The following ADAMTSL1 variants were observed in gnomAD, a reference collection of about 807,000 sequenced individuals.
ADAMTSL1 encodes the protein ADAMTS like 1.
In ADAMTSL1, 126 loss-of-function variants were observed where a neutral mutation model predicts 201.8. The observed-to-expected ratio is 0.62, with a 90% CI of 0.54 to 0.72. The LOEUF is 0.72. Among genes scored for constraint, ADAMTSL1 ranks in the 30% least tolerant of loss-of-function variants. The pLI is 0.00. For synonymous variants in ADAMTSL1, 1,121 were observed against 903.4 expected (o/e 1.24, Z -4.32); for missense variants, 2,679 against 2,277.8 (o/e 1.18, Z -3.59).
At chr9:18,782,820 C>A (rs1474353332) in intron 19 of ADAMTSL1, among the ~76,000 whole-genome samples, 1 of 152,172 alleles carries the variant, frequency 6.6e-6, no homozygotes, top group Non-Finnish European at 1.5e-5. Context: ...AAGGGAAAGG[C>A]AGTGCGAAAA....
chr9:18,337,859 T>C (rs1835307594), intron 2 of ADAMTSL1, among the ~76,000 whole-genome samples: 1 of 152,088 alleles, frequency 6.6e-6, no homozygotes, highest in African/African-American at 2.4e-5. Flanking sequence ...GTACTGAATA[T>C]ATTATCGAAC....
At chr9:18,037,120 G>C (rs1404563587) in intron 1 of ADAMTSL1, among the ~76,000 whole-genome samples, 1 of 152,114 alleles carries the variant, frequency 6.6e-6, no homozygotes, top group Non-Finnish European at 1.5e-5. Flanking sequence ...TTTAAATGAT[G>C]AACTATGCAT....
intron 1 of ADAMTSL1, among the ~76,000 whole-genome samples, chr9:18,485,171 G>C (rs1192039881): frequency 6.6e-6 from 1 of 152,144 alleles, no homozygotes; most frequent in African/African-American, 2.4e-5. Flanking sequence ...TCAGTCGGTA[G>C]GGGAAGAGTA....
At chr9:18,228,373 G>A (rs1383779212) in intron 2 of ADAMTSL1, among the ~76,000 whole-genome samples, 1 of 152,092 alleles carries the variant, frequency 6.6e-6, no homozygotes, top group Non-Finnish European at 1.5e-5. Context: ...CTCTCATGCT[G>A]CTTGGATCTG....
At chr9:18,858,839 C>G (rs1827029536) in intron 23 of ADAMTSL1, among the ~76,000 whole-genome samples, 1 of 152,188 alleles carries the variant, frequency 6.6e-6, no homozygotes, top group Non-Finnish European at 1.5e-5. Flanking sequence ...ACCTGGGGTC[C>G]ACAAGCTTTG....
chr9:18,889,437 T>C (rs1174401892), intron 24 of ADAMTSL1, 131 bp from the exon 25 acceptor site: 3 of 1,007,790 alleles, frequency 3.0e-6, no homozygotes, highest in African/African-American at 3.3e-5. Context: ...CAGGGCCTCA[T>C]TTATAATAGC....
chr9:18,037,525 T>C (rs1176172674), intron 1 of ADAMTSL1, among the ~76,000 whole-genome samples: 1 of 152,190 alleles, frequency 6.6e-6, no homozygotes, highest in Non-Finnish European at 1.5e-5. Flanking sequence ...TTCTGTAGTA[T>C]ATTAAATAAG....
At chr9:18,109,202 A>C (rs1033131672) in intron 1 of ADAMTSL1, among the ~76,000 whole-genome samples, 1 of 152,156 alleles carries the variant, frequency 6.6e-6, no homozygotes, top group Non-Finnish European at 1.5e-5. Flanking sequence ...CCTCCTTTAC[A>C]TTCATATCTG....
intron 1 of ADAMTSL1, among the ~76,000 whole-genome samples, chr9:18,099,356 T>TATATATATATA (rs60877701): frequency 3.1e-3 from 121 of 39,518 alleles, no homozygotes; most frequent in Middle Eastern, 0.022. Flanking sequence ...TATATATATA[T>TATATATATATA]TTTTTTTTTT....
intron 1 of ADAMTSL1, among the ~76,000 whole-genome samples, chr9:17,959,221 C>G (rs1037543078): frequency 1.3e-5 from 2 of 152,108 alleles, no homozygotes; most frequent in African/African-American, 2.4e-5. Context: ...TTTGGCTGAA[C>G]AGCATTTAGA....
chr9:18,370,138 G>C (rs1370365731), intron 2 of ADAMTSL1, among the ~76,000 whole-genome samples: 1 of 152,086 alleles, frequency 6.6e-6, no homozygotes, highest in East Asian at 1.9e-4. Context: ...AAATTAGCTG[G>C]ATGTGATGGT....
intron 1 of ADAMTSL1, among the ~76,000 whole-genome samples, chr9:18,063,409 C>T (rs1822547857): frequency 6.6e-6 from 1 of 152,150 alleles, no homozygotes; most frequent in Non-Finnish European, 1.5e-5. Flanking sequence ...TAACTAAGGG[C>T]AGACTTTAGA....
Position 18,003,602 on chromosome 9 carries a change from AG to A in ADAMTSL1, c.87+96681del, listed in dbSNP as rs1291194220. Among the ~76,000 whole-genome samples, 7 of 152,208 alleles carry A rather than the reference AG, an allele frequency of 4.6e-5. No individual in the cohort carries two copies. The Middle Eastern group carries it at 0.014, about 296-fold the overall frequency. ...TGTAGTGTGGATGCTTGATGATAAA[AG>A]TCTGACTTTGCTTCTACTCTTGTAG... On this transcript the variant is annotated intron_variant, in intron 1 of 29. Coordinates refer to the ADAMTSL1 transcript ENST00000680146.
At position 18,135,807 on chromosome 9, in the gene ADAMTSL1, C is replaced by G. The variant is rs528221279; in HGVS notation, c.88-28055C>G. On this transcript the variant is annotated intron_variant, in intron 1 of 29. Coordinates refer to the ADAMTSL1 transcript ENST00000680146. Reference sequence around the variant, plus strand: ...AGGATTGCTCTGTGGATATGAGGTGCTGTCTTCCTGAGGAGAAGCCAATTT... The same window carrying G: ...AGGATTGCTCTGTGGATATGAGGTGGTGTCTTCCTGAGGAGAAGCCAATTT... Among the ~76,000 whole-genome samples the G allele has an allele frequency of 6.6e-5, 10 of 152,226 alleles. No individual in the cohort carries two copies. The South Asian group carries it at 1.5e-3, about 22-fold the overall frequency.
At chr9:18,098,603 A>G (rs1824355576) in intron 1 of ADAMTSL1, among the ~76,000 whole-genome samples, 2 of 152,250 alleles carry the variant, frequency 1.3e-5, no homozygotes, top group South Asian at 4.1e-4. Flanking sequence ...AACTTACTAA[A>G]TCTAATTGCT....
At position 18,504,870 on chromosome 9, in the gene ADAMTSL1, A is replaced by T. The variant is rs61742718; in HGVS notation, c.105A>T (p.Leu35=). 6.2e-7 allele frequency: 1 copy of T among 1,613,976 alleles called. No individual in the cohort carries two copies. Among genetic ancestry groups the T allele is most frequent in the Non-Finnish European group, 8.5e-7 (1 of 1,179,990 alleles). ...GCTCCGAGGAGGACCGGGACGGCCT[A>T]TGGGATGCCTGGGGCCCATGGAGTG... ...TARSEEDRDG[L]WDAWGPWSEC... The change falls in exon 2 of 29, where the codon CTA becomes CTT. Residue 35 remains leucine, a synonymous_variant. Coordinates refer to ENST00000380548, the MANE Select transcript of ADAMTSL1 (RefSeq NM_001040272.6).
chr9:18,346,693 C>G (rs1156565112), intron 2 of ADAMTSL1, among the ~76,000 whole-genome samples: 2 of 152,068 alleles, frequency 1.3e-5, no homozygotes, highest in African/African-American at 4.8e-5. Context: ...GGATTCTTTC[C>G]TTTTTGAATG....
At chr9:18,477,357 G>A (rs1249965903) in intron 1 of ADAMTSL1, among the ~76,000 whole-genome samples, 2 of 152,190 alleles carry the variant, frequency 1.3e-5, no homozygotes, top group African/African-American at 2.4e-5. Context: ...TAAAGTACAT[G>A]TGTTTTCCTG....
chr9:18,797,854 C>G (rs1400604347), intron 20 of ADAMTSL1, among the ~76,000 whole-genome samples: 1 of 152,190 alleles, frequency 6.6e-6, no homozygotes, highest in Non-Finnish European at 1.5e-5. Context: ...CTTTCTTTCT[C>G]TAGCTCTTCT....
Sources: allele counts gnomAD v4.1 joint callset (sites outside exome capture counted in the v4.1 genomes callset), GRCh38; gene constraint gnomAD v4.1.1; transcripts MANE v1.5; gene names NCBI Gene and HGNC (gene_info 2026-07-23, HGNC 2026-07-21).